The following TRAPPC2L variants were observed in gnomAD, a reference collection of about 807,000 sequenced individuals.
TRAPPC2L encodes trafficking protein particle complex subunit 2-like protein.
In TRAPPC2L, 17 loss-of-function variants were observed where a neutral mutation model predicts 13.2. The ratio of observed to expected loss-of-function variants is 1.29; its 90% CI spans 0.88 to 1.93. The LOEUF is 1.93. TRAPPC2L is among the 30% of genes most tolerant of loss of function. TRAPPC2L has a pLI of 0.00. For synonymous variants in TRAPPC2L, 150 were observed against 98.1 expected (o/e 1.53, Z -3.12); for missense variants, 359 against 252.1 (o/e 1.42, Z -2.87).
intron 1 of TRAPPC2L, chr16:88,857,448 C>T (rs113260895): frequency 6.8e-6 from 3 of 443,130 alleles, no homozygotes; most frequent in African/African-American, 2.1e-5. Context: ...CACCAGAAAC[C>T]TAGGTGGTCC....
rs12447635 is a variant in TRAPPC2L at position 88,858,969 on chromosome 16, C to T, written c.206+178C>T. ...AACTCTTCTCTTTCATTGGAAGAGC[C>T]ATTTGGGAAAAGCAAGGCTAGAATT... On this transcript the variant is annotated intron_variant, in intron 2 of 3. Coordinates refer to ENST00000565504, the Ensembl canonical transcript of TRAPPC2L. The T allele has an allele frequency of 2.0e-5, 13 of 658,902 alleles. No homozygotes were observed. In the Admixed American group the frequency reaches 3.1e-4, roughly 16 times the overall value. The allele number at this position is 658,902 out of a possible 1,614,324, so 40.8% of individuals were successfully genotyped here.
chr16:88,858,452 C>A (rs1461406230), intron 1 of TRAPPC2L, among the ~76,000 whole-genome samples, 167 bp from the exon 2 acceptor site: 1 of 152,200 alleles, frequency 6.6e-6, no homozygotes, highest in African/African-American at 2.4e-5. Flanking sequence ...TAGCTGGGAT[C>A]CCCTGAAGGC....
rs139655373 is a variant in TRAPPC2L at position 88,859,673 on chromosome 16, G to A, written c.217G>A (p.Val73Ile). Residue 73 changes from valine (V) to isoleucine (I), a missense_variant, in exon 3 of 4, where the codon GTC (valine) becomes ATC (isoleucine). By Grantham distance (29) the Val-to-Ile change is conservative. Coordinates refer to ENST00000565504, the Ensembl canonical transcript of TRAPPC2L. ...TAACCAGCTGTGCAGATACGGCTAC[G>A]TCACCAACTCCAAGGTGAAGTTTGT... 872 of 1,613,932 alleles carry A rather than the reference G, an allele frequency of 5.4e-4. 7 individuals are homozygous for A. The highest frequency in any genetic ancestry group is 5.5e-4 in the Admixed American group (33 of 60,028).
exon 4 of TRAPPC2L, chr16:88,860,470 C>G: frequency 1.7e-6 from 1 of 603,458 alleles, no homozygotes; most frequent in Non-Finnish European, 2.9e-6. Context: ...TCAGTGAGTC[C>G]CCAGTTCCAA....
chr16:88,862,614 C>G (rs1166767199), exon 4 of TRAPPC2L: 1 of 60,058 alleles, frequency 1.7e-5, no homozygotes, highest in African/African-American at 1.3e-4. Context: ...CATACCAGCC[C>G]CAGACTACTT....
Position 88,860,898 on chromosome 16 carries a change from C to T in TRAPPC2L, c.*574C>T, listed in dbSNP as rs112109570. 1.3e-4 allele frequency: 210 copies of T among 1,586,462 alleles called. 1 individual carries two copies. In the African/African-American group the frequency reaches 2.1e-3, roughly 16 times the overall value. On this transcript the variant is annotated 3_prime_UTR_variant, in exon 4 of 4. Coordinates refer to ENST00000565504, the Ensembl canonical transcript of TRAPPC2L. ...GGGCCTGGCTCTCCTCTGAGTGGGT[C>T]TGTTTCTCTTAGCAGGGCCTTTGAT...
chr16:88,862,393 G>A (rs1968445947), exon 4 of TRAPPC2L: 1 of 152,424 alleles, frequency 6.6e-6, no homozygotes. Flanking sequence ...TTGCAGGGAA[G>A]CTCCTGTGAA....
chr16:88,858,219 T>A (rs545606647), intron 1 of TRAPPC2L, among the ~76,000 whole-genome samples: 1 of 152,280 alleles, frequency 6.6e-6, no homozygotes, highest in Non-Finnish European at 1.5e-5. Context: ...AGGGTCACTG[T>A]CAAGGTGAAG....
At chr16:88,861,699 C>T (rs1394332789) in exon 4 of TRAPPC2L, 1 of 476,024 alleles carries the variant, frequency 2.1e-6, no homozygotes, top group Non-Finnish European at 4.3e-6. Context: ...CGCCGGCGTC[C>T]TTGGGGTCCA....
exon 4 of TRAPPC2L, chr16:88,861,795 G>C (rs1453794679): frequency 2.5e-6 from 1 of 404,686 alleles, no homozygotes; most frequent in Non-Finnish European, 5.1e-6. Context: ...CAAGGACCTT[G>C]AGGACCCCAG....
chr16:88,859,399 A>G (rs1002213070), intron 2 of TRAPPC2L: 1 of 698,582 alleles, frequency 1.4e-6, no homozygotes, highest in African/African-American at 1.7e-5. Flanking sequence ...TTCCAGACAG[A>G]CAGACTCGGA....
At chr16:88,856,335 G>C (rs941493643), upstream of TRAPPC2L, 6 of 702,458 alleles carry the variant, frequency 8.5e-6, no homozygotes, top group Non-Finnish European at 1.3e-5. Context: ...AGGGCGGCAG[G>C]AGCAGCCTCT....
exon 4 of TRAPPC2L, chr16:88,860,492 C>T (rs1968310295): frequency 1.7e-6 from 1 of 600,700 alleles, no homozygotes; most frequent in Non-Finnish European, 3.0e-6. Flanking sequence ...ACATAATTCC[C>T]TGTGGTTGGC....
At chr16:88,862,287 A>C (rs1334622401) in exon 4 of TRAPPC2L, 1 of 152,400 alleles carries the variant, frequency 6.6e-6, no homozygotes, top group Non-Finnish European at 1.5e-5. Flanking sequence ...GCCTCTGCCC[A>C]GTTCCAATAG....
chr16:88,862,633 C>T (rs1029755917), exon 4 of TRAPPC2L: 2 of 71,230 alleles, frequency 2.8e-5, no homozygotes, highest in Admixed American at 1.2e-4. Flanking sequence ...TTAAATTCAG[C>T]TTTTTTTTTA....
chr16:88,856,468 G>A (rs1304084195), upstream of TRAPPC2L: 12 of 700,308 alleles, frequency 1.7e-5, no homozygotes, highest in East Asian at 3.2e-4. Context: ...GGAGGACGCT[G>A]TCCCGGTCAT....
chr16:88,856,413 C>G, upstream of TRAPPC2L: 2 of 701,338 alleles, frequency 2.9e-6, no homozygotes, highest in South Asian at 3.0e-5. Flanking sequence ...AAAGGTCAGA[C>G]GGGGGAGGCA....
At chr16:88,857,330 G>T in intron 1 of TRAPPC2L, 147 bp downstream of exon 1, 1 of 727,206 alleles carries the variant, frequency 1.4e-6, no homozygotes, top group Non-Finnish European at 2.1e-6. Context: ...GGGGCTTCGC[G>T]GTGGACGAGC....
exon 4 of TRAPPC2L, chr16:88,860,752 T>G: frequency 1.4e-6 from 1 of 737,776 alleles, no homozygotes; most frequent in East Asian, 2.7e-5. Context: ...CAGTGCCCGG[T>G]GGGGTGGGAC....
Sources: allele counts gnomAD v4.1 joint callset (sites outside exome capture counted in the v4.1 genomes callset), GRCh38; gene constraint gnomAD v4.1.1; transcripts MANE v1.5; gene names NCBI Gene and HGNC (gene_info 2026-07-23, HGNC 2026-07-21).